Variants in TACR1 observed in about 807,000 individuals in gnomAD.
TACR1 encodes substance-P receptor.
A neutral mutation model predicts 35.8 loss-of-function variants in TACR1; 25 were observed. The ratio of observed to expected loss-of-function variants is 0.70; its 90% CI spans 0.51 to 0.98. The LOEUF is 0.98. Ranked by LOEUF, TACR1 falls within the 50% of genes least tolerant of loss-of-function variation. The pLI is 0.00. For synonymous variants in TACR1, 195 were observed against 206.7 expected, an observed-to-expected ratio of 0.94 and a Z score of 0.48; for missense variants, 478 against 522.9, an observed-to-expected ratio of 0.91 and a Z score of 0.84.
chr2:75,133,279 A>C (rs1483425477), intron 1 of TACR1, among the ~76,000 whole-genome samples: 2 of 152,198 alleles, frequency 1.3e-5, no homozygotes, highest in African/African-American at 4.8e-5. Flanking sequence ...ATTTAATTTC[A>C]AGAGCAGCAA....
chr2:75,191,182 AG>A (rs1432892010), intron 1 of TACR1, among the ~76,000 whole-genome samples: 1 of 152,208 alleles, frequency 6.6e-6, no homozygotes, highest in Non-Finnish European at 1.5e-5. Flanking sequence ...TTCCCCAGTC[AG>A]TCTCACATAC....
At chr2:75,132,633 A>C (rs1251425538) in intron 1 of TACR1, among the ~76,000 whole-genome samples, 3 of 152,094 alleles carry the variant, frequency 2.0e-5, no homozygotes, top group Non-Finnish European at 4.4e-5. Context: ...GACCTCTTCC[A>C]TTATCTGTTT....
intron 1 of TACR1, among the ~76,000 whole-genome samples, chr2:75,140,872 C>T (rs1310102172): frequency 6.6e-6 from 1 of 152,144 alleles, no homozygotes; most frequent in African/African-American, 2.4e-5. Context: ...GACTCAAACT[C>T]CCAGTTTAAC....
At chr2:75,106,864 A>G (rs1673655321) in intron 2 of TACR1, among the ~76,000 whole-genome samples, 1 of 151,870 alleles carries the variant, frequency 6.6e-6, no homozygotes, top group Non-Finnish European at 1.5e-5. Context: ...AAAACCAGAA[A>G]GTATTAAACC....
At chr2:75,055,186 C>T (rs1297244311) in intron 2 of TACR1, among the ~76,000 whole-genome samples, 2 of 152,214 alleles carry the variant, frequency 1.3e-5, no homozygotes, top group Admixed American at 6.5e-5. Flanking sequence ...CACTCAATTT[C>T]TCCTTTGTAG....
At chr2:75,085,685 A>T (rs1673175936) in intron 2 of TACR1, among the ~76,000 whole-genome samples, 1 of 152,122 alleles carries the variant, frequency 6.6e-6, no homozygotes, top group Middle Eastern at 3.4e-3. Context: ...TGTCTGGGAG[A>T]TAATGAGGGT....
At chr2:75,125,308 C>T (rs1298598832) in intron 1 of TACR1, among the ~76,000 whole-genome samples, 1 of 152,000 alleles carries the variant, frequency 6.6e-6, no homozygotes, top group African/African-American at 2.4e-5. Context: ...CTCAGTGTCC[C>T]AAGTAGCTGG....
intron 1 of TACR1, among the ~76,000 whole-genome samples, chr2:75,124,066 G>T (rs996759551): frequency 6.6e-6 from 1 of 152,160 alleles, no homozygotes; most frequent in Admixed American, 6.5e-5. Flanking sequence ...TCATTAGGCT[G>T]CCAGCGACAG....
intron 2 of TACR1, among the ~76,000 whole-genome samples, chr2:75,110,008 T>A (rs1391105277): frequency 1.3e-5 from 2 of 152,296 alleles, no homozygotes; most frequent in African/African-American, 4.8e-5. Context: ...GTCTCAGCAA[T>A]GACAGAAAAT....
At chr2:75,101,841 A>G (rs1038043527) in intron 2 of TACR1, among the ~76,000 whole-genome samples, 1 of 152,082 alleles carries the variant, frequency 6.6e-6, no homozygotes, top group Non-Finnish European at 1.5e-5. Flanking sequence ...CCAACTACTC[A>G]GGAGGCTGAG....
chr2:75,154,404 G>GCGCGCGCGCGCGCT (rs1364962469), intron 1 of TACR1: 1 of 84,422 alleles, frequency 1.2e-5, no homozygotes, highest in Non-Finnish European at 2.5e-5. Flanking sequence ...AGCCAAGAGC[G>GCGCGCGCGCGCGCT]CGCACGCACA....
At chr2:75,085,671 G>A (rs1673175752) in intron 2 of TACR1, among the ~76,000 whole-genome samples, 1 of 152,164 alleles carries the variant, frequency 6.6e-6, no homozygotes, top group African/African-American at 2.4e-5. Context: ...GAATGACTGA[G>A]CAATGTCTGG....
chr2:75,188,599 T>C (rs1558587151), intron 1 of TACR1: 1 of 152,090 alleles, frequency 6.6e-6, no homozygotes, highest in Non-Finnish European at 1.5e-5. Context: ...ATAATGGCAA[T>C]AAAGTGGAAG....
intron 1 of TACR1, among the ~76,000 whole-genome samples, chr2:75,175,203 T>C (rs888683021): frequency 6.6e-6 from 1 of 152,218 alleles, no homozygotes; most frequent in African/African-American, 2.4e-5. Flanking sequence ...GGGGAGCTCC[T>C]GGCATTTTGT....
intron 1 of TACR1, among the ~76,000 whole-genome samples, chr2:75,183,000 C>T (rs1675594774): frequency 6.6e-6 from 1 of 152,168 alleles, no homozygotes; most frequent in African/African-American, 2.4e-5. Context: ...CTGTAAGCTC[C>T]TGAAGGGCAG....
chr2:75,079,645 T>C (rs1419243170), intron 2 of TACR1, among the ~76,000 whole-genome samples: 1 of 152,080 alleles, frequency 6.6e-6, no homozygotes, highest in Non-Finnish European at 1.5e-5. Context: ...TTATTCTTTC[T>C]CTTGAAGGTT....
In TACR1 at chr2:75,119,567, A is replaced by G. The variant is rs533120770; in HGVS notation, c.584+1007T>C. On this transcript the variant is annotated intron_variant, in intron 2 of 4. Transcript: ENST00000305249. ...TTGTGGCTCACTTGAGCAGAATGAA[A>G]CAAAGATATGCCATTTCAATGTTGT... Among the ~76,000 whole-genome samples, 4 of 152,362 alleles carry G rather than the reference A, an allele frequency of 2.6e-5. No homozygotes were observed. The East Asian group carries it at 7.7e-4, about 29-fold the overall frequency.
intron 2 of TACR1, among the ~76,000 whole-genome samples, chr2:75,089,109 C>A (rs1052597719): frequency 6.6e-6 from 1 of 152,178 alleles, no homozygotes; most frequent in Non-Finnish European, 1.5e-5. Context: ...TGGCCTAGAA[C>A]ACAGGGCTGC....
chr2:75,122,505 A>G (rs951856493), intron 1 of TACR1, among the ~76,000 whole-genome samples: 2 of 152,206 alleles, frequency 1.3e-5, no homozygotes, highest in Admixed American at 1.3e-4. Context: ...AGGACACTTC[A>G]TGCCAACCTT....
Sources: allele counts gnomAD v4.1 joint callset (sites outside exome capture counted in the v4.1 genomes callset), GRCh38; gene constraint gnomAD v4.1.1; transcripts MANE v1.5; gene names NCBI Gene and HGNC (gene_info 2026-07-23, HGNC 2026-07-21).